CACNA1A: variants seen among roughly 807,000 people sequenced by gnomAD.
CACNA1A encodes the protein calcium voltage-gated channel subunit alpha1 A, also known as voltage-dependent P/Q-type calcium channel subunit alpha-1A.
Under a neutral mutation model 262.4 loss-of-function variants are expected in CACNA1A, and 57 were observed. That is an observed-to-expected ratio of 0.22 (90% CI 0.18 to 0.27). The LOEUF is 0.27. CACNA1A is among the 10% of genes least tolerant of loss of function. The pLI, the probability that CACNA1A is intolerant of heterozygous loss-of-function variation, is 1.00. For missense variants in CACNA1A, 2,526 were observed against 3,562.8 expected, an observed-to-expected ratio of 0.71 and a Z score of 7.41; for synonymous variants, 1,431 against 1,419.3, an observed-to-expected ratio of 1.01 and a Z score of -0.18.
At chr19:13,209,124 G>C in intron 45 of CACNA1A, 115 bp from the exon 46 acceptor site, 4 of 1,451,130 alleles carry the variant, frequency 2.8e-6, no homozygotes, top group Non-Finnish European at 3.7e-6. Flanking sequence ...CCCCTGAACC[G>C]AGGCAGGTCA....
intron 6 of CACNA1A, among the ~76,000 whole-genome samples, chr19:13,341,695 C>G (rs992803138): frequency 2.0e-5 from 3 of 152,198 alleles, no homozygotes; most frequent in Non-Finnish European, 4.4e-5. Context: ...CAAATGCCAC[C>G]TTCTGAGGGA....
intron 3 of CACNA1A, among the ~76,000 whole-genome samples, chr19:13,375,338 G>C (rs1443166678): frequency 6.6e-6 from 1 of 151,794 alleles, no homozygotes; most frequent in Non-Finnish European, 1.5e-5. Context: ...GCTTTCCTTG[G>C]GCCTTCCTAT....
chr19:13,472,288 G>GA (rs1978286672), intron 1 of CACNA1A, among the ~76,000 whole-genome samples: 1 of 151,518 alleles, frequency 6.6e-6, no homozygotes, highest in Non-Finnish European at 1.5e-5. Context: ...ATATAGACAG[G>GA]TAGATAGATA....
intron 16 of CACNA1A, 30 bp from the exon 17 acceptor site, chr19:13,303,643 C>T: frequency 3.1e-6 from 5 of 1,607,134 alleles, no homozygotes; most frequent in South Asian, 1.1e-5. Context: ...GAAAAGCAAC[C>T]ACTGGTGGGA....
chr19:13,323,753 T>C (rs2145083358), intron 10 of CACNA1A, among the ~76,000 whole-genome samples: 1 of 152,322 alleles, frequency 6.6e-6, no homozygotes, highest in East Asian at 1.9e-4. Flanking sequence ...TCCTTTGCTG[T>C]GCACAAATTT....
At chr19:13,396,123 T>G (rs1168640438) in intron 3 of CACNA1A, among the ~76,000 whole-genome samples, 1 of 152,164 alleles carries the variant, frequency 6.6e-6, no homozygotes, top group Non-Finnish European at 1.5e-5. Context: ...GCCTTGTGAG[T>G]TGATTTTTTT....
At chr19:13,303,658 A>G (rs2057837836) in intron 16 of CACNA1A, 45 bp from the exon 17 acceptor site, 5 of 1,592,372 alleles carry the variant, frequency 3.1e-6, no homozygotes, top group Non-Finnish European at 4.3e-6. Context: ...GTGGGACACC[A>G]CTTGGGCCCT....
chr19:13,217,810 T>C (rs1224930803), intron 38 of CACNA1A, among the ~76,000 whole-genome samples: 1 of 152,080 alleles, frequency 6.6e-6, no homozygotes, highest in Non-Finnish European at 1.5e-5. Context: ...CACATTCCGA[T>C]GAAAGGACTG....
intron 30 of CACNA1A, among the ~76,000 whole-genome samples, chr19:13,252,046 G>C (rs557054930): frequency 6.6e-6 from 1 of 151,546 alleles, no homozygotes; most frequent in African/African-American, 2.4e-5. Flanking sequence ...GATTACAGGT[G>C]TGAGTCACTG....
intron 10 of CACNA1A, among the ~76,000 whole-genome samples, chr19:13,318,721 A>C (rs1219482323): frequency 6.6e-6 from 1 of 151,978 alleles, no homozygotes; most frequent in Non-Finnish European, 1.5e-5. Context: ...AACGGTGTGG[A>C]TGTAAGAGAG....
intron 17 of CACNA1A, among the ~76,000 whole-genome samples, chr19:13,302,369 T>G (rs2057804170): frequency 6.6e-6 from 1 of 152,220 alleles, no homozygotes; most frequent in Non-Finnish European, 1.5e-5. Context: ...GTTCACTGCT[T>G]AATCCCTAAG....
At chr19:13,368,711 G>A (rs903643485) in intron 4 of CACNA1A, among the ~76,000 whole-genome samples, 2 of 152,140 alleles carry the variant, frequency 1.3e-5, no homozygotes, top group Non-Finnish European at 2.9e-5. Context: ...AGGATAGCTC[G>A]AGGGGCCATG....
chr19:13,378,346 G>T (rs2059453155), intron 3 of CACNA1A, among the ~76,000 whole-genome samples: 1 of 152,216 alleles, frequency 6.6e-6, no homozygotes, highest in Non-Finnish European at 1.5e-5. Context: ...CATAAACTTA[G>T]TTGACAAAGC....
rs139602422 is a variant in CACNA1A, at chr19:13,386,084, G to A, written c.540-14305C>T. ...GCGGATCACCTGAGCCTGGCAGGTC[G>A]AGGCAGCAGTGAGCTGTGATTGTGC... On this transcript the variant is annotated intron_variant, in intron 3 of 46. Transcript: ENST00000360228. Among the ~76,000 whole-genome samples, 22 of 151,856 alleles carry A rather than the reference G, an allele frequency of 1.4e-4. No individual in the cohort carries two copies. In the East Asian group the frequency reaches 2.9e-3, roughly 20 times the overall value.
At chr19:13,325,015 T>G (rs10411276) in intron 10 of CACNA1A, among the ~76,000 whole-genome samples, 36,607 of 151,148 alleles carry the variant, frequency 0.24, 5,561 homozygotes, top group African/African-American at 0.44. Flanking sequence ...TCATTGTGCT[T>G]CTTCTTCGTC....
At chr19:13,275,048 C>T (rs1223040965) in intron 24 of CACNA1A, 1 of 150,816 alleles carries the variant, frequency 6.6e-6, no homozygotes, top group African/African-American at 2.4e-5. Flanking sequence ...GGCCATCTTG[C>T]AATGGCTGCC....
At chr19:13,254,955 G>A in intron 29 of CACNA1A, 140 bp downstream of exon 29, 1 of 818,592 alleles carries the variant, frequency 1.2e-6, no homozygotes, top group Non-Finnish European at 2.0e-6. Flanking sequence ...GTCAGGTAGA[G>A]GGAACAGCAG....
intron 1 of CACNA1A, among the ~76,000 whole-genome samples, chr19:13,475,061 A>G (rs1251105316): frequency 6.6e-6 from 1 of 152,232 alleles, no homozygotes; most frequent in Admixed American, 6.5e-5. Context: ...AAAGCAAGAA[A>G]TATTTGTTAA....
At chr19:13,504,830 C>T (rs566790353) in intron 1 of CACNA1A, among the ~76,000 whole-genome samples, 3 of 152,170 alleles carry the variant, frequency 2.0e-5, no homozygotes, top group African/African-American at 7.2e-5. Flanking sequence ...CTGCCTACAT[C>T]TCGATAGATG....
Sources: allele counts gnomAD v4.1 joint callset (sites outside exome capture counted in the v4.1 genomes callset), GRCh38; gene constraint gnomAD v4.1.1; transcripts MANE v1.5; gene names NCBI Gene and HGNC (gene_info 2026-07-23, HGNC 2026-07-21).